Variants in ARHGAP26 observed in about 807,000 individuals in gnomAD.
ARHGAP26 encodes the protein Rho GTPase activating protein 26, also known as rho GTPase-activating protein 26.
ARHGAP26 carries 38 observed loss-of-function variants against 104.8 expected under a neutral mutation model. That is an observed-to-expected ratio of 0.36 (90% CI 0.28 to 0.48). The LOEUF (loss-of-function observed/expected upper bound fraction) is 0.48, where lower values mean the gene tolerates loss of function less well. Ranked by LOEUF, ARHGAP26 falls within the 20% of genes least tolerant of loss-of-function variation. The pLI is 0.99. For missense variants in ARHGAP26, 704 were observed against 947.9 expected, an observed-to-expected ratio of 0.74 and a Z score of 3.38; for synonymous variants, 341 against 340.0, an observed-to-expected ratio of 1.00 and a Z score of -0.03.
intron 20 of ARHGAP26, chr5:143,168,941 A>G (rs143135516): frequency 1.3e-5 from 2 of 152,150 alleles, no homozygotes; most frequent in South Asian, 2.1e-4. Context: ...TTTCATTTGG[A>G]TGGGTAGCAT....
At chr5:143,142,674 G>A (rs950506869) in intron 19 of ARHGAP26, among the ~76,000 whole-genome samples, 2 of 152,032 alleles carry the variant, frequency 1.3e-5, no homozygotes, top group African/African-American at 4.8e-5. Flanking sequence ...AGCTACAGGG[G>A]GTAAAAATTG....
intron 11 of ARHGAP26, among the ~76,000 whole-genome samples, chr5:142,996,767 G>A (rs908087111): frequency 1.3e-5 from 2 of 152,136 alleles, no homozygotes; most frequent in African/African-American, 4.8e-5. Flanking sequence ...CTGGAGGGAG[G>A]TTGGGGTTGC....
At chr5:142,964,371 A>C (rs1249211980) in intron 11 of ARHGAP26, among the ~76,000 whole-genome samples, 1 of 152,138 alleles carries the variant, frequency 6.6e-6, no homozygotes, top group East Asian at 1.9e-4. Context: ...TTATTTACAA[A>C]ATTTCCTTTT....
At chr5:142,858,173 A>G (rs946626463) in intron 1 of ARHGAP26, among the ~76,000 whole-genome samples, 11 of 151,860 alleles carry the variant, frequency 7.2e-5, no homozygotes, top group Non-Finnish European at 1.3e-4. Context: ...CTGATGTATT[A>G]GAAGGGATGG....
At chr5:143,015,209 A>G (rs1054237944) in intron 12 of ARHGAP26, among the ~76,000 whole-genome samples, 7 of 152,238 alleles carry the variant, frequency 4.6e-5, no homozygotes, top group Non-Finnish European at 1.0e-4. Flanking sequence ...CAAGGAAACA[A>G]AGAAGTAATT....
intron 17 of ARHGAP26, among the ~76,000 whole-genome samples, chr5:143,106,599 A>C (rs187774537): frequency 6.7e-6 from 1 of 149,008 alleles, no homozygotes. Context: ...CAGCCTCCCG[A>C]GTAGCTGGGA....
At chr5:143,179,462 G>T (rs567303150) in intron 20 of ARHGAP26, among the ~76,000 whole-genome samples, 1 of 152,340 alleles carries the variant, frequency 6.6e-6, no homozygotes, top group South Asian at 2.1e-4. Context: ...CTGCTCTGCT[G>T]GCTGTGATCA....
chr5:142,836,250 A>G (rs910801071), intron 1 of ARHGAP26, among the ~76,000 whole-genome samples: 2 of 152,164 alleles, frequency 1.3e-5, no homozygotes, highest in African/African-American at 4.8e-5. Context: ...TTGGCTTTTC[A>G]CTTAATCTGT....
chr5:143,166,155 C>A, intron 20 of ARHGAP26: 2 of 1,200,492 alleles, frequency 1.7e-6, no homozygotes, highest in African/African-American at 1.6e-5. Context: ...GAATAACACA[C>A]GCCCTTCCCC....
At chr5:142,773,273 T>C (rs1049029756) in intron 1 of ARHGAP26, among the ~76,000 whole-genome samples, 4 of 152,246 alleles carry the variant, frequency 2.6e-5, no homozygotes, top group Non-Finnish European at 5.9e-5. Flanking sequence ...TACATAATTA[T>C]ATAAACACTG....
At chr5:143,163,191 TG>T (rs1225477230) in intron 20 of ARHGAP26, among the ~76,000 whole-genome samples, 3 of 152,164 alleles carry the variant, frequency 2.0e-5, no homozygotes, top group Non-Finnish European at 2.9e-5. Context: ...GCTGCTCAGA[TG>T]AGGGAGATCA....
intron 18 of ARHGAP26, among the ~76,000 whole-genome samples, chr5:143,122,666 A>G (rs745848125): frequency 2.0e-5 from 3 of 152,242 alleles, no homozygotes; most frequent in Non-Finnish European, 2.9e-5. Context: ...GAGAACAAAA[A>G]GCAGATTAAT....
chr5:142,872,664 C>T (rs554483796), intron 1 of ARHGAP26, among the ~76,000 whole-genome samples: 1 of 152,320 alleles, frequency 6.6e-6, no homozygotes, highest in Non-Finnish European at 1.5e-5. Flanking sequence ...ATGATAAGGG[C>T]TCTTGAGAGT....
intron 11 of ARHGAP26, among the ~76,000 whole-genome samples, chr5:142,991,316 G>T (rs542294998): frequency 6.6e-6 from 1 of 152,192 alleles, no homozygotes; most frequent in East Asian, 1.9e-4. Context: ...TTGGAAAAGC[G>T]CAGTATTAGG....
chr5:143,043,747 G>A (rs1306054962), intron 14 of ARHGAP26, among the ~76,000 whole-genome samples: 4 of 152,176 alleles, frequency 2.6e-5, no homozygotes, highest in Admixed American at 2.0e-4. Context: ...TTTAGAAAGA[G>A]CTGTTCCTTT....
rs1264665448 is a variant in ARHGAP26, at chr5:142,822,078, A to G, written c.154+51163A>G. Reference sequence around the variant, plus strand: ...AGAGTTCATTGGTGGGTTTAAGGAAATGATTGCACTGGCTTCTCAACTTGT... The same window carrying G: ...AGAGTTCATTGGTGGGTTTAAGGAAGTGATTGCACTGGCTTCTCAACTTGT... On this transcript the variant is annotated intron_variant, in intron 1 of 22. Transcript: ENST00000645722. Among the ~76,000 whole-genome samples, 8 of 152,352 alleles carry G rather than the reference A, an allele frequency of 5.3e-5. No individual in the cohort carries two copies. The East Asian group carries it at 1.3e-3, about 26-fold the overall frequency.
intron 1 of ARHGAP26, among the ~76,000 whole-genome samples, chr5:142,774,585 T>C (rs1184071586): frequency 6.6e-6 from 1 of 152,232 alleles, no homozygotes; most frequent in Non-Finnish European, 1.5e-5. Context: ...AATATAACAT[T>C]ATTAACTAAA....
intron 1 of ARHGAP26, among the ~76,000 whole-genome samples, chr5:142,799,759 G>A (rs1761693389): frequency 6.6e-6 from 1 of 152,160 alleles, no homozygotes; most frequent in Non-Finnish European, 1.5e-5. Context: ...TGTTTATAAG[G>A]AACCCATTCC....
chr5:143,163,728 G>A (rs1801560071), intron 20 of ARHGAP26, among the ~76,000 whole-genome samples: 1 of 152,082 alleles, frequency 6.6e-6, no homozygotes, highest in Middle Eastern at 3.2e-3. Context: ...TGGGATTACA[G>A]GCATGAGCCA....
Sources: gnomAD v4.1 joint callset for allele counts (sites outside exome capture counted in the v4.1 genomes callset) on GRCh38, gnomAD v4.1.1 for gene constraint, MANE v1.5 for transcripts, NCBI Gene and HGNC (gene_info 2026-07-23, HGNC 2026-07-21) for gene names.